HNF1B: variants seen among roughly 807,000 people sequenced by gnomAD.
HNF1B encodes the protein hepatocyte nuclear factor 1-beta.
Under a neutral mutation model 61.7 loss-of-function variants are expected in HNF1B, and 8 were observed. The observed-to-expected ratio is 0.13, with a 90% CI of 0.08 to 0.23. The LOEUF is 0.23. Ranked by LOEUF, HNF1B falls within the 10% of genes least tolerant of loss-of-function variation. The pLI, the probability that HNF1B is intolerant of heterozygous loss-of-function variation, is 1.00. For synonymous variants in HNF1B, 314 were observed against 287.7 expected, an observed-to-expected ratio of 1.09 and a Z score of -0.93; for missense variants, 562 against 714.5, an observed-to-expected ratio of 0.79 and a Z score of 2.43.
chr17:37,689,384 T>C (rs1598794932), intron 8 of HNF1B, among the ~76,000 whole-genome samples: 2 of 152,028 alleles, frequency 1.3e-5, no homozygotes, highest in Admixed American at 1.3e-4. Context: ...ACCTTGCAGG[T>C]TTCAAAAGAA....
intron 4 of HNF1B, chr17:37,720,984 CTGA>C: frequency 1.0e-6 from 1 of 978,676 alleles, no homozygotes; most frequent in Non-Finnish European, 1.2e-6. Flanking sequence ...ATCGTGCAAA[CTGA>C]TGTTACACAA....
At chr17:37,713,912 C>G (rs376106333) in intron 4 of HNF1B, among the ~76,000 whole-genome samples, 1 of 152,158 alleles carries the variant, frequency 6.6e-6, no homozygotes, top group East Asian at 1.9e-4. Context: ...AGGTGTACAC[C>G]AAAAATAGGT....
chr17:37,727,685 C>A (rs2033545437), intron 4 of HNF1B, among the ~76,000 whole-genome samples: 1 of 152,138 alleles, frequency 6.6e-6, no homozygotes, highest in African/African-American at 2.4e-5. Context: ...CCCTATTGTG[C>A]CGGACATTCC....
At chr17:37,734,303 A>G (rs1349907271) in intron 2 of HNF1B, among the ~76,000 whole-genome samples, 2 of 152,240 alleles carry the variant, frequency 1.3e-5, no homozygotes, top group South Asian at 2.1e-4. Flanking sequence ...TATCTACATT[A>G]TAAAGTCAGG....
At chr17:37,700,474 G>C (rs939667647) in intron 7 of HNF1B, among the ~76,000 whole-genome samples, 4 of 152,208 alleles carry the variant, frequency 2.6e-5, no homozygotes, top group African/African-American at 9.7e-5. Context: ...CATGGTTCTT[G>C]ATTAGAGATG....
chr17:37,694,074 T>C (rs955548664), intron 8 of HNF1B, among the ~76,000 whole-genome samples: 24 of 152,190 alleles, frequency 1.6e-4, no homozygotes, highest in African/African-American at 5.8e-4. Flanking sequence ...TATTCCTTTA[T>C]AGTGATGCAA....
chr17:37,720,731 G>A, intron 4 of HNF1B: 1 of 947,884 alleles, frequency 1.1e-6, no homozygotes, highest in African/African-American at 1.8e-5. Flanking sequence ...GATGAAGAAA[G>A]CTACCTCAGG....
In HNF1B at chr17:37,710,659, C is replaced by T. The variant is rs2032905052; in HGVS notation, c.1050G>A (p.Val350=). 1 of 1,613,558 alleles carries T rather than the reference C, an allele frequency of 6.2e-7. No individual in the cohort carries two copies. The highest frequency in any genetic ancestry group is 1.3e-5 in the African/African-American group (1 of 74,906). The change falls in exon 5 of 9, where the codon GTG becomes GTA. Residue 350 remains valine (V), a synonymous_variant. Transcript: ENST00000617811. ...CATTGTTTCCCTGCTGGCTGTAGCGCACTCCTGCAAAACAACACAAACCCA... is the reference window on the plus strand; with the variant it reads ...CATTGTTTCCCTGCTGGCTGTAGCGTACTCCTGCAAAACAACACAAACCCA... ...SSSPPNKLSG[V]RYSQQGNNEI...
chr17:37,712,861 G>C (rs2032981502), intron 4 of HNF1B, among the ~76,000 whole-genome samples: 1 of 152,158 alleles, frequency 6.6e-6, no homozygotes, highest in Non-Finnish European at 1.5e-5. Context: ...GGATGCTGTG[G>C]GGAGGAAGCT....
intron 2 of HNF1B, 55 bp downstream of exon 2, chr17:37,739,385 G>A (rs2033923917): frequency 6.5e-7 from 1 of 1,530,838 alleles, no homozygotes; most frequent in Non-Finnish European, 9.0e-7. Context: ...AGCCAATGGG[G>A]TGAGAGGGCA....
At chr17:37,693,189 CAAAAAAAAAAA>C (rs11464180) in intron 8 of HNF1B, among the ~76,000 whole-genome samples, 12 of 47,770 alleles carry the variant, frequency 2.5e-4, no homozygotes, top group Middle Eastern at 0.012. Flanking sequence ...GATTCCATCT[CAAAAAAAAAAA>C]AAAAAAAAAA....
At chr17:37,714,249 T>A (rs1019672410) in intron 4 of HNF1B, among the ~76,000 whole-genome samples, 1 of 152,240 alleles carries the variant, frequency 6.6e-6, no homozygotes, top group South Asian at 2.1e-4. Flanking sequence ...TTTGGCACTG[T>A]CCTTGTTTAA....
Position 37,744,582 on chromosome 17 carries a change from C to T in HNF1B, c.303G>A (p.Glu101=), listed in dbSNP as rs755770568. ...ILKELQALNT[E]EAAEQRAEVD... ...CCTCCGCCCGCTGCTCCGCCGCCTC[C>T]TCGGTGTTGAGCGCCTGCAGCTCCT... The change falls in exon 1 of 9, where the codon GAG becomes GAA. Residue 101 remains glutamate, a synonymous_variant. Transcript: ENST00000617811. The T allele has an allele frequency of 1.2e-6, 2 of 1,607,088 alleles. No individual in the cohort carries two copies. Among genetic ancestry groups the T allele is most frequent in the East Asian group, 2.2e-5 (1 of 44,870 alleles).
intron 1 of HNF1B, among the ~76,000 whole-genome samples, chr17:37,741,450 A>G (rs2033989278): frequency 6.6e-6 from 1 of 152,232 alleles, no homozygotes; most frequent in Non-Finnish European, 1.5e-5. Context: ...GGAAGTAACA[A>G]GAAGAACAAA....
chr17:37,688,653 G>A (rs2032074418), intron 8 of HNF1B, among the ~76,000 whole-genome samples: 1 of 152,180 alleles, frequency 6.6e-6, no homozygotes, highest in African/African-American at 2.4e-5. Flanking sequence ...GCTTGGAGGT[G>A]AGGAGCCTTC....
chr17:37,697,118 T>G (rs1270574160), intron 8 of HNF1B, among the ~76,000 whole-genome samples: 1 of 152,234 alleles, frequency 6.6e-6, no homozygotes, highest in African/African-American at 2.4e-5. Context: ...ATTTATCATC[T>G]GTGTGACCTT....
chr17:37,713,283 G>A (rs2032996362), intron 4 of HNF1B, among the ~76,000 whole-genome samples: 2 of 152,198 alleles, frequency 1.3e-5, no homozygotes, highest in African/African-American at 4.8e-5. Context: ...GATGGAAAAG[G>A]GCCAGCCCTC....
intron 8 of HNF1B, among the ~76,000 whole-genome samples, chr17:37,697,675 T>C (rs1169635639): frequency 6.6e-6 from 1 of 152,118 alleles, no homozygotes; most frequent in Non-Finnish European, 1.5e-5. Flanking sequence ...TGAGCACAGA[T>C]AAATGTTTTC....
chr17:37,733,435 A>G, intron 3 of HNF1B, 122 bp downstream of exon 3: 1 of 1,134,164 alleles, frequency 8.8e-7, no homozygotes, highest in East Asian at 2.3e-5. Flanking sequence ...ACATACTTTG[A>G]GAAGCTCTGA....
Sources: gnomAD v4.1 joint callset for allele counts (sites outside exome capture counted in the v4.1 genomes callset) on GRCh38, gnomAD v4.1.1 for gene constraint, MANE v1.5 for transcripts, NCBI Gene and HGNC (gene_info 2026-07-23, HGNC 2026-07-21) for gene names.